The following PLEKHA7 variants were observed in gnomAD, a reference collection of about 807,000 sequenced individuals.
PLEKHA7 encodes the protein pleckstrin homology domain containing A7.
In PLEKHA7, 104 loss-of-function variants were observed where a neutral mutation model predicts 170.0. The observed-to-expected ratio is 0.61, with a 90% CI of 0.52 to 0.72. The LOEUF (loss-of-function observed/expected upper bound fraction) is 0.72, where lower values mean the gene tolerates loss of function less well. Among genes scored for constraint, PLEKHA7 ranks in the 30% least tolerant of loss-of-function variants. The pLI, the probability that PLEKHA7 is intolerant of heterozygous loss-of-function variation, is 0.00. For synonymous variants in PLEKHA7, 648 were observed against 660.8 expected (o/e 0.98, Z 0.30); for missense variants, 1,615 against 1,671.7 (o/e 0.97, Z 0.59).
At chr11:16,991,482 A>C (rs1864039595) in intron 3 of PLEKHA7, among the ~76,000 whole-genome samples, 1 of 152,026 alleles carries the variant, frequency 6.6e-6, no homozygotes, top group Admixed American at 6.5e-5. Flanking sequence ...GGAGAAGAAG[A>C]GTCAAGAAAT....
chr11:16,966,485 C>T (rs1321993527), intron 3 of PLEKHA7, among the ~76,000 whole-genome samples: 1 of 152,048 alleles, frequency 6.6e-6, no homozygotes, highest in Non-Finnish European at 1.5e-5. Flanking sequence ...AACCAGAAGC[C>T]CACTAGGGTA....
At chr11:16,797,873 C>A (rs1478818269) in intron 17 of PLEKHA7, among the ~76,000 whole-genome samples, 1 of 152,106 alleles carries the variant, frequency 6.6e-6, no homozygotes, top group Non-Finnish European at 1.5e-5. Context: ...TTCTGTCACC[C>A]CCACATGTGA....
intron 3 of PLEKHA7, among the ~76,000 whole-genome samples, chr11:16,976,040 T>C (rs1863041424): frequency 6.6e-6 from 1 of 152,242 alleles, no homozygotes; most frequent in African/African-American, 2.4e-5. Flanking sequence ...CTCTGGCCCC[T>C]TTTGGCTCAG....
intron 3 of PLEKHA7, among the ~76,000 whole-genome samples, chr11:16,872,539 T>C (rs1486099190): frequency 6.6e-6 from 1 of 152,160 alleles, no homozygotes; most frequent in Non-Finnish European, 1.5e-5. Flanking sequence ...AAAATTTTTT[T>C]GACCGGGTCC....
chr11:16,821,765 C>T (rs1021552951), intron 10 of PLEKHA7, among the ~76,000 whole-genome samples: 6 of 152,076 alleles, frequency 3.9e-5, no homozygotes, highest in Admixed American at 1.3e-4. Context: ...TTTTAAAATA[C>T]AAGAGGATAA....
chr11:16,826,230 C>T lies in PLEKHA7; in HGVS notation c.1233G>A (p.Gly411=). The change falls in exon 10 of 27, where the codon GGG becomes GGA. Residue 411 remains glycine (G), a synonymous_variant. Transcript: ENST00000531066. ...TCCTGGGAGGAAAGGCCCGCTGGTA[C>T]CCACCAGTCCCATTCTGTTCTCCTG... ...YGPGEQNGTG[G]YQRAFPPRTN... is the part of the protein sequence containing the mutation. 1 of 1,614,254 alleles carries T rather than the reference C, an allele frequency of 6.2e-7. No individual in the cohort carries two copies. Among genetic ancestry groups the T allele is most frequent in the Non-Finnish European group, 8.5e-7 (1 of 1,180,042 alleles).
At chr11:16,809,697 T>C (rs1198911255) in intron 13 of PLEKHA7, among the ~76,000 whole-genome samples, 7 of 152,236 alleles carry the variant, frequency 4.6e-5, no homozygotes, top group Non-Finnish European at 8.8e-5. Flanking sequence ...GCCTCAGTTG[T>C]ACCCTAGTGA....
rs1228586846 is a variant in PLEKHA7, at chr11:16,889,414, A to T, written c.222-18232T>A. Among the ~76,000 whole-genome samples the T allele has an allele frequency of 2.4e-3, 274 of 114,774 alleles. 2 individuals are homozygous for T. Among genetic ancestry groups the T allele is most frequent in the African/African-American group, 7.9e-3 (207 of 26,090 alleles). The allele number at this position is 114,774 out of a possible 152,430, so 75.3% of individuals were successfully genotyped here. A position where few individuals can be genotyped will look rare whatever the true frequency, so the allele number is the denominator to read the frequency against. Reference sequence around the variant, plus strand: ...GCTTTATTGCTCAAAAAAAAAAAAAAAAAAAAATATATATATATATATATA... The same window carrying T: ...GCTTTATTGCTCAAAAAAAAAAAAATAAAAAAATATATATATATATATATA... On this transcript the variant is annotated intron_variant, in intron 3 of 26. Coordinates refer to ENST00000531066, the MANE Select transcript of PLEKHA7 (RefSeq NM_001329630.2).
chr11:16,889,746 G>A (rs1271957176), intron 3 of PLEKHA7, among the ~76,000 whole-genome samples: 1 of 152,082 alleles, frequency 6.6e-6, no homozygotes, highest in African/African-American at 2.4e-5. Context: ...AGTAATTCAA[G>A]AAAACTTCCC....
At chr11:16,866,325 C>T (rs1590391002) in intron 4 of PLEKHA7, among the ~76,000 whole-genome samples, 1 of 152,044 alleles carries the variant, frequency 6.6e-6, no homozygotes, top group Non-Finnish European at 1.5e-5. Context: ...GGCACAGTAG[C>T]TCATGCCTGT....
intron 10 of PLEKHA7, among the ~76,000 whole-genome samples, chr11:16,819,976 G>C (rs1019934163): frequency 6.6e-6 from 1 of 152,214 alleles, no homozygotes; most frequent in Non-Finnish European, 1.5e-5. Context: ...AAGCAGGTAA[G>C]GTGATGAATG....
At chr11:16,865,869 ACT>A (rs1854348699) in intron 4 of PLEKHA7, among the ~76,000 whole-genome samples, 1 of 151,724 alleles carries the variant, frequency 6.6e-6, no homozygotes, top group Non-Finnish European at 1.5e-5. Context: ...ATGGAGTCTC[ACT>A]CTGTCGCCCA....
Position 16,791,377 on chromosome 11 carries a change from A to T in PLEKHA7, c.2746-178T>A. ...CCTGGCGGAGCAGTGAAGAAGGGAC[A>T]TGCTCTGCTCCTCTATCCCCTCAGA... On this transcript the variant is annotated intron_variant, in intron 19 of 26. Coordinates refer to ENST00000531066, the MANE Select transcript of PLEKHA7 (RefSeq NM_001329630.2). This position sits in a 1 kb window ranked among gnomAD's most constrained non-coding sequence, Gnocchi z 4.5. The T allele has an allele frequency of 1.6e-6, 1 of 627,038 alleles. No individual in the cohort carries two copies. The highest frequency in any genetic ancestry group is 2.8e-6 in the Non-Finnish European group (1 of 355,358). 38.8% of individuals were successfully genotyped at this position (627,038 alleles called of 1,614,324 possible).
intron 3 of PLEKHA7, among the ~76,000 whole-genome samples, chr11:16,971,374 T>A (rs1862700640): frequency 6.6e-6 from 1 of 152,238 alleles, no homozygotes; most frequent in Admixed American, 6.5e-5. Flanking sequence ...TTTTAATAGA[T>A]GCATAATAAT....
chr11:16,840,639 G>T (rs931427635), intron 9 of PLEKHA7, among the ~76,000 whole-genome samples: 1 of 152,086 alleles, frequency 6.6e-6, no homozygotes, highest in East Asian at 1.9e-4. Flanking sequence ...GACAGAAGGG[G>T]GAAACAAAAA....
At chr11:16,814,370 G>GT (rs1281090997) in intron 12 of PLEKHA7, among the ~76,000 whole-genome samples, 1 of 152,144 alleles carries the variant, frequency 6.6e-6, no homozygotes, top group Non-Finnish European at 1.5e-5. Flanking sequence ...AGGAAGGAAG[G>GT]TAACAGTCCT....
intron 13 of PLEKHA7, among the ~76,000 whole-genome samples, chr11:16,804,855 CACAA>C (rs573559154): frequency 1.0e-3 from 154 of 152,214 alleles, no homozygotes; most frequent in African/African-American, 2.3e-3. Context: ...TGCAACAATC[CACAA>C]ACAAACAGAC....
chr11:17,006,642 G>A (rs57677839), intron 3 of PLEKHA7, among the ~76,000 whole-genome samples: 91,785 of 145,450 alleles, frequency 0.63, 29,687 homozygotes, highest in East Asian at 0.96. Context: ...AAAAAAAAAA[G>A]GAAGATGATA....
chr11:16,987,653 T>G (rs1227098425), intron 3 of PLEKHA7, among the ~76,000 whole-genome samples: 1 of 152,136 alleles, frequency 6.6e-6, no homozygotes, highest in African/African-American at 2.4e-5. Flanking sequence ...TTTAAACAAG[T>G]TGCTTCTTTG....
Sources: gnomAD v4.1 joint callset for allele counts (sites outside exome capture counted in the v4.1 genomes callset) on GRCh38, gnomAD v4.1.1 for gene constraint, Gnocchi (gnomAD v3.1) non-coding constraint, MANE v1.5 for transcripts, NCBI Gene and HGNC (gene_info 2026-07-23, HGNC 2026-07-21) for gene names.